CYTH3: variants seen among roughly 807,000 people sequenced by gnomAD.
The protein encoded by CYTH3 is cytohesin-3.
A neutral mutation model predicts 55.1 loss-of-function variants in CYTH3; 23 were observed. The ratio of observed to expected loss-of-function variants is 0.42; its 90% CI spans 0.30 to 0.59. CYTH3 has a LOEUF of 0.59. CYTH3 is among the 20% of genes least tolerant of loss of function. CYTH3 has a pLI of 0.20. For synonymous variants in CYTH3, 249 were observed against 194.9 expected (o/e 1.28, Z -2.31); for missense variants, 413 against 524.8 (o/e 0.79, Z 2.08).
At chr7:6,239,558 TAGAAA>T (rs1470128106) in intron 1 of CYTH3, among the ~76,000 whole-genome samples, 4 of 151,988 alleles carry the variant, frequency 2.6e-5, no homozygotes, top group Non-Finnish European at 5.9e-5. Flanking sequence ...GAAGAAAAAT[TAGAAA>T]AGAGGAGATA....
intron 9 of CYTH3, among the ~76,000 whole-genome samples, chr7:6,168,848 C>T (rs1783087738): frequency 6.6e-6 from 1 of 152,244 alleles, no homozygotes; most frequent in East Asian, 1.9e-4. Flanking sequence ...GATGGCGTCA[C>T]TGTCCCTCGA....
At chr7:6,213,571 G>T (rs1784367111) in intron 1 of CYTH3, among the ~76,000 whole-genome samples, 1 of 151,878 alleles carries the variant, frequency 6.6e-6, no homozygotes, top group Non-Finnish European at 1.5e-5. Flanking sequence ...TTTTGCCGTT[G>T]TCTTTAATTA....
chr7:6,196,905 C>A (rs528700741), intron 1 of CYTH3, among the ~76,000 whole-genome samples: 1 of 152,216 alleles, frequency 6.6e-6, no homozygotes, highest in East Asian at 1.9e-4. Context: ...CTGCTGAGCT[C>A]TCCTGTGCAG....
chr7:6,179,861 C>T (rs1783457453), intron 4 of CYTH3, among the ~76,000 whole-genome samples: 1 of 117,948 alleles, frequency 8.5e-6, no homozygotes, highest in South Asian at 2.7e-4. Context: ...AGACACACCA[C>T]ACACACCCAC....
rs1277852921 is a variant in CYTH3, at chr7:6,258,599, T to C, written c.34+13875A>G. ...GAAGCAAAGAAGGGTGGATTTGCAATAGGGCATCAACAATGTCTTCTACAC... is the reference window on the plus strand; with the variant it reads ...GAAGCAAAGAAGGGTGGATTTGCAACAGGGCATCAACAATGTCTTCTACAC... On this transcript the variant is annotated intron_variant, in intron 1 of 12. Transcript: ENST00000350796. 2.0e-5 allele frequency among the ~76,000 whole-genome samples: 3 copies of C among 151,986 alleles called. No individual in the cohort carries two copies. The East Asian group carries it at 5.8e-4, about 29-fold the overall frequency.
At chr7:6,226,412 G>T (rs956898204) in intron 1 of CYTH3, among the ~76,000 whole-genome samples, 2 of 152,170 alleles carry the variant, frequency 1.3e-5, no homozygotes, top group African/African-American at 4.8e-5. Context: ...GAACACTTGA[G>T]GAATTTAATG....
At chr7:6,244,099 A>C (rs1412576504) in intron 1 of CYTH3, among the ~76,000 whole-genome samples, 1 of 152,226 alleles carries the variant, frequency 6.6e-6, no homozygotes. Flanking sequence ...TGTTCTATGC[A>C]GCCCAACATA....
At chr7:6,192,458 C>T (rs1783822635) in intron 1 of CYTH3, among the ~76,000 whole-genome samples, 1 of 150,294 alleles carries the variant, frequency 6.7e-6, no homozygotes, top group Admixed American at 6.6e-5. Flanking sequence ...TGGCCTGAAG[C>T]AAAACTCCTA....
At chr7:6,222,640 G>C (rs538276487) in intron 1 of CYTH3, among the ~76,000 whole-genome samples, 5 of 151,740 alleles carry the variant, frequency 3.3e-5, no homozygotes, top group African/African-American at 1.2e-4. Flanking sequence ...CCAGCTACTC[G>C]GGAGGCTGAG....
intron 1 of CYTH3, among the ~76,000 whole-genome samples, chr7:6,266,955 A>G (rs533357937): frequency 3.9e-5 from 6 of 152,322 alleles, no homozygotes; most frequent in Non-Finnish European, 7.4e-5. Flanking sequence ...GTAATCCCCA[A>G]TGCTGGAGGC....
intron 6 of CYTH3, among the ~76,000 whole-genome samples, 161 bp downstream of exon 6, chr7:6,173,492 G>T (rs775100213): frequency 1.3e-5 from 2 of 152,178 alleles, no homozygotes; most frequent in Non-Finnish European, 2.9e-5. Context: ...GGGCTGCTCA[G>T]TGTCACACAG....
chr7:6,184,715 A>C (rs1402495508), intron 4 of CYTH3, among the ~76,000 whole-genome samples: 1 of 152,164 alleles, frequency 6.6e-6, no homozygotes, highest in Non-Finnish European at 1.5e-5. Context: ...AGTAGCTGGG[A>C]CTACAGGCAC....
intron 1 of CYTH3, among the ~76,000 whole-genome samples, chr7:6,250,780 C>A (rs888857528): frequency 6.6e-6 from 1 of 152,142 alleles, no homozygotes. Context: ...TATGAATATA[C>A]TAAAAGCCAT....
At chr7:6,212,767 A>G (rs1400128077) in intron 1 of CYTH3, 2 of 152,330 alleles carry the variant, frequency 1.3e-5, no homozygotes, top group Admixed American at 1.3e-4. Context: ...GCTGAGTAAT[A>G]TTCCATTGTA....
chr7:6,185,677 G>A (rs1783624889), intron 4 of CYTH3, among the ~76,000 whole-genome samples: 1 of 150,358 alleles, frequency 6.7e-6, no homozygotes, highest in Non-Finnish European at 1.5e-5. Flanking sequence ...TCCAGCCTGG[G>A]CAACAGAGTT....
intron 1 of CYTH3, among the ~76,000 whole-genome samples, chr7:6,232,524 G>C (rs1779412456): frequency 6.6e-6 from 1 of 152,222 alleles, no homozygotes; most frequent in African/African-American, 2.4e-5. Context: ...GCAGCCTCCT[G>C]TTGTGAACCT....
At chr7:6,184,616 T>C (rs1433694281) in intron 4 of CYTH3, among the ~76,000 whole-genome samples, 1 of 152,184 alleles carries the variant, frequency 6.6e-6, no homozygotes. Context: ...CTCTTACTCT[T>C]GTCGCCCAGA....
intron 1 of CYTH3, among the ~76,000 whole-genome samples, chr7:6,198,123 CTT>C: frequency 6.8e-6 from 1 of 146,938 alleles, no homozygotes. Context: ...AAAAAAAAAA[CTT>C]TCAGGTATTA....
chr7:6,243,888 A>T (rs1192193189), intron 1 of CYTH3, among the ~76,000 whole-genome samples: 1 of 152,198 alleles, frequency 6.6e-6, no homozygotes, highest in African/African-American at 2.4e-5. Context: ...CAGAGAAGTG[A>T]ATTTTTAAAA....
Sources: gnomAD v4.1 joint callset for allele counts (sites outside exome capture counted in the v4.1 genomes callset) on GRCh38, gnomAD v4.1.1 for gene constraint, MANE v1.5 for transcripts, NCBI Gene and HGNC (gene_info 2026-07-23, HGNC 2026-07-21) for gene names.